Variants in ARHGEF7 observed in about 807,000 individuals in gnomAD.
ARHGEF7 encodes Rho guanine nucleotide exchange factor 7, also known as PAK-interacting exchange factor beta.
A neutral mutation model predicts 109.8 loss-of-function variants in ARHGEF7; 33 were observed. The ratio of observed to expected loss-of-function variants is 0.30; its 90% CI spans 0.23 to 0.40. The LOEUF is 0.40. Among genes scored for constraint, ARHGEF7 ranks in the 10% least tolerant of loss-of-function variants. The pLI is 1.00. For missense variants in ARHGEF7, 938 were observed against 1,098.5 expected (o/e 0.85, Z 2.07); for synonymous variants, 458 against 424.6 (o/e 1.08, Z -0.97).
At chr13:111,195,215 G>A (rs1394341972) in intron 2 of ARHGEF7, among the ~76,000 whole-genome samples, 1 of 152,190 alleles carries the variant, frequency 6.6e-6, no homozygotes, top group East Asian at 1.9e-4. Context: ...CTTCCAGATT[G>A]TCTTTCCAAT....
chr13:111,187,054 G>A (rs2079337949), intron 2 of ARHGEF7: 4 of 980,294 alleles, frequency 4.1e-6, no homozygotes, highest in Admixed American at 1.2e-4. Context: ...GGAGGGTGGT[G>A]TGAAAGCAGT....
intron 17 of ARHGEF7, 114 bp from the exon 18 acceptor site, chr13:111,288,240 C>T (rs1475170769): frequency 2.0e-6 from 1 of 493,508 alleles, no homozygotes; most frequent in Admixed American, 3.3e-5. Flanking sequence ...AAATCAAGGG[C>T]AGATTATCTT....
rs926635728 is a variant in ARHGEF7, at chr13:111,304,384, G to A, written c.*1271G>A. The A allele has an allele frequency of 4.6e-5, 7 of 152,240 alleles. No individual in the cohort carries two copies. Among genetic ancestry groups the A allele is most frequent in the Admixed American group, 6.5e-5 (1 of 15,288 alleles). 9.4% of individuals were successfully genotyped at this position (152,240 alleles called of 1,614,324 possible). On this transcript the variant is annotated 3_prime_UTR_variant, in exon 22 of 22. Coordinates refer to ENST00000646102, the MANE Select transcript of ARHGEF7 (RefSeq NM_001354046.2). ...AGCAATAAATAAGGGTGACCACAGG[G>A]ACTTTGCTTTTGGTTTCCTTTCCTG...
At chr13:111,159,723 T>C (rs889156286) in intron 2 of ARHGEF7, among the ~76,000 whole-genome samples, 1 of 152,250 alleles carries the variant, frequency 6.6e-6, no homozygotes, top group Non-Finnish European at 1.5e-5. Flanking sequence ...TAATCAGGTT[T>C]TTTTTTGTTA....
At chr13:111,270,720 G>A (rs1054991345) in intron 9 of ARHGEF7, among the ~76,000 whole-genome samples, 1 of 152,142 alleles carries the variant, frequency 6.6e-6, no homozygotes, top group Non-Finnish European at 1.5e-5. Flanking sequence ...TCTTATTTTG[G>A]TGGAAAAGGT....
intron 7 of ARHGEF7, 38 bp downstream of exon 7, chr13:111,244,004 T>C: frequency 6.7e-7 from 1 of 1,495,788 alleles, no homozygotes. Flanking sequence ...TGTAAAATAG[T>C]CTAAACCTTA....
chr13:111,262,212 A>G (rs75784533), intron 8 of ARHGEF7, among the ~76,000 whole-genome samples: 3,359 of 152,316 alleles, frequency 0.022, 127 homozygotes, highest in African/African-American at 0.077. Context: ...ACTAAGAAAA[A>G]AGAGAAGACC....
intron 19 of ARHGEF7, among the ~76,000 whole-genome samples, chr13:111,299,782 G>A (rs1046472099): frequency 6.6e-6 from 1 of 152,180 alleles, no homozygotes; most frequent in Admixed American, 6.5e-5. Flanking sequence ...CCAGAAGAAA[G>A]ACCCAGCAAG....
At chr13:111,267,079 G>A (rs1250780699) in intron 8 of ARHGEF7, among the ~76,000 whole-genome samples, 1 of 152,210 alleles carries the variant, frequency 6.6e-6, no homozygotes. Flanking sequence ...AGGATGCTGT[G>A]GATCTGGGGA....
chr13:111,158,981 T>C, intron 2 of ARHGEF7: 1 of 717,630 alleles, frequency 1.4e-6, no homozygotes, highest in Non-Finnish European at 2.6e-6. Flanking sequence ...CCCGTCCGAC[T>C]GAAATTTTGT....
chr13:111,116,691 T>TG (rs2066811243), intron 1 of ARHGEF7: 1 of 152,102 alleles, frequency 6.6e-6, no homozygotes, highest in Non-Finnish European at 1.5e-5. Flanking sequence ...TGGGGTGTAT[T>TG]GGCCCCCATA....
chr13:111,290,805 C>G (rs1287245183), intron 18 of ARHGEF7, among the ~76,000 whole-genome samples: 4 of 152,202 alleles, frequency 2.6e-5, no homozygotes, highest in African/African-American at 9.7e-5. Flanking sequence ...CATATATGCC[C>G]TTTAAACCTA....
chr13:111,157,289 ATT>A (rs5806888), intron 2 of ARHGEF7, among the ~76,000 whole-genome samples: 94 of 147,474 alleles, frequency 6.4e-4, no homozygotes, highest in Non-Finnish European at 8.4e-4. Context: ...GCATGCTTAA[ATT>A]TTTTTTTTTT....
chr13:111,153,623 GC>G, intron 1 of ARHGEF7: 2 of 1,165,016 alleles, frequency 1.7e-6, no homozygotes, highest in Non-Finnish European at 2.1e-6. Context: ...GCGCGGGCCG[GC>G]GGGGGCGCGG....
At position 111,205,365 on chromosome 13, in the gene ARHGEF7, T is replaced by G. The variant is rs1261025060; in HGVS notation, c.329T>G (p.Val110Gly). 1 of 1,596,874 alleles carries G rather than the reference T, an allele frequency of 6.3e-7. No individual in the cohort carries two copies. Among genetic ancestry groups the G allele is most frequent in the Non-Finnish European group, 8.5e-7 (1 of 1,174,842 alleles). The change falls in exon 3 of 22, where the codon GTA (valine) becomes GGA (glycine). Residue 110 changes from valine to glycine, a missense_variant. By Grantham distance (109) the Val-to-Gly change is moderately radical. This residue lies in a region of ARHGEF7 where 585 missense variants were observed against 723.6 expected (regional missense o/e 0.81). Transcript: ENST00000646102. ...VLSSLVTLNK[V>G]TADIGLGSDS... ...AGTTCCTTAGTGACTCTAAATAAAG[T>G]AACAGCAGGTAAGACTCTTTTTTAT...
intron 19 of ARHGEF7, chr13:111,294,036 C>T (rs1466422188): frequency 6.1e-6 from 6 of 985,272 alleles, no homozygotes; most frequent in African/African-American, 1.7e-5. Context: ...CTGAACTGCT[C>T]ACACCATTGG....
chr13:111,198,171 G>A (rs776165859), intron 2 of ARHGEF7, among the ~76,000 whole-genome samples: 7 of 151,612 alleles, frequency 4.6e-5, no homozygotes, highest in South Asian at 2.1e-4. Context: ...AGCCTGACAC[G>A]CGTGTCTTTA....
At chr13:111,167,417 TTTC>T (rs1183184983) in intron 2 of ARHGEF7, among the ~76,000 whole-genome samples, 1 of 152,178 alleles carries the variant, frequency 6.6e-6, no homozygotes, top group African/African-American at 2.4e-5. Flanking sequence ...TCAGCTGGTG[TTTC>T]TTCTTGGTCT....
chr13:111,296,253 G>A (rs1318173578), intron 19 of ARHGEF7, among the ~76,000 whole-genome samples: 1 of 152,116 alleles, frequency 6.6e-6, no homozygotes, highest in East Asian at 1.9e-4. Context: ...TATTTGGGGT[G>A]GGGGAGGGGC....
Sources: allele counts gnomAD v4.1 joint callset (sites outside exome capture counted in the v4.1 genomes callset), GRCh38; gene constraint gnomAD v4.1.1; regional missense constraint gnomAD v4.1.1; transcripts MANE v1.5; gene names NCBI Gene and HGNC (gene_info 2026-07-23, HGNC 2026-07-21).